Variants in GRID1 observed in about 807,000 individuals in gnomAD.
GRID1 encodes glutamate ionotropic receptor delta type subunit 1.
Under a neutral mutation model 98.0 loss-of-function variants are expected in GRID1, and 28 were observed. The observed-to-expected ratio is 0.29, with a 90% confidence interval of 0.21 to 0.39. The LOEUF (loss-of-function observed/expected upper bound fraction) is 0.39, where lower values mean the gene tolerates loss of function less well. GRID1 is among the 10% of genes least tolerant of loss of function. The pLI, the probability that GRID1 is intolerant of heterozygous loss-of-function variation, is 1.00. For missense variants in GRID1, 1,111 were observed against 1,340.5 expected (o/e 0.83, Z 2.67); for synonymous variants, 553 against 538.5 (o/e 1.03, Z -0.37).
At chr10:86,104,268 C>T (rs1347424091) in intron 4 of GRID1, among the ~76,000 whole-genome samples, 1 of 152,168 alleles carries the variant, frequency 6.6e-6, no homozygotes, top group Non-Finnish European at 1.5e-5. Context: ...GCAGTTGGGA[C>T]CCCAGACCCA....
chr10:86,166,973 G>A (rs1170453045), intron 3 of GRID1, among the ~76,000 whole-genome samples: 1 of 152,172 alleles, frequency 6.6e-6, no homozygotes, highest in Non-Finnish European at 1.5e-5. Context: ...CTTTTCTTCT[G>A]CAGCAAGGAA....
intron 12 of GRID1, among the ~76,000 whole-genome samples, chr10:85,665,743 C>T (rs542911051): frequency 2.6e-5 from 4 of 152,280 alleles, no homozygotes; most frequent in Admixed American, 6.5e-5. Context: ...TCTCTCCCTT[C>T]GTGATATAAA....
chr10:85,980,874 T>C (rs1435037983), intron 4 of GRID1, among the ~76,000 whole-genome samples: 1 of 152,196 alleles, frequency 6.6e-6, no homozygotes, highest in Non-Finnish European at 1.5e-5. Flanking sequence ...TCCTCTGTAA[T>C]ACATGAGAAC....
chr10:85,788,391 G>T (rs906285665), intron 8 of GRID1, among the ~76,000 whole-genome samples: 5 of 152,154 alleles, frequency 3.3e-5, no homozygotes, highest in African/African-American at 1.2e-4. Context: ...GTTTAGGTGT[G>T]TTCTTTCTTA....
At chr10:85,968,225 T>A (rs1589317621) in intron 4 of GRID1, among the ~76,000 whole-genome samples, 1 of 151,532 alleles carries the variant, frequency 6.6e-6, no homozygotes, top group African/African-American at 2.4e-5. Flanking sequence ...CCGAGGCGGG[T>A]GGATCACAAG....
intron 5 of GRID1, among the ~76,000 whole-genome samples, chr10:85,892,577 G>C (rs35076125): frequency 0.11 from 16,841 of 151,084 alleles, 1,129 homozygotes; most frequent in Non-Finnish European, 0.15. Context: ...GTTTTTCCTA[G>C]ATTTTTATAC....
chr10:85,704,609 C>A (rs1413030018), intron 12 of GRID1, among the ~76,000 whole-genome samples: 4 of 152,138 alleles, frequency 2.6e-5, no homozygotes, highest in Non-Finnish European at 5.9e-5. Flanking sequence ...CAGCTCTGCA[C>A]CAAGTGGACC....
At chr10:86,222,235 T>C (rs1036849527) in intron 2 of GRID1, among the ~76,000 whole-genome samples, 1 of 152,168 alleles carries the variant, frequency 6.6e-6, no homozygotes, top group African/African-American at 2.4e-5. Context: ...ATCCACTGCA[T>C]GGCTAGTGGG....
intron 12 of GRID1, among the ~76,000 whole-genome samples, chr10:85,705,679 C>T (rs1841507559): frequency 6.6e-6 from 1 of 152,160 alleles, no homozygotes; most frequent in South Asian, 2.1e-4. Flanking sequence ...GACCAATATC[C>T]CTGATGAACA....
intron 8 of GRID1, among the ~76,000 whole-genome samples, chr10:85,775,452 T>C (rs1030903651): frequency 2.6e-5 from 4 of 151,998 alleles, no homozygotes; most frequent in Non-Finnish European, 5.9e-5. Context: ...ATTGTGCACA[T>C]GTACCCTAAA....
At chr10:86,002,523 TG>T (rs56969279) in intron 4 of GRID1, among the ~76,000 whole-genome samples, 152,330 of 152,330 alleles carry the variant, frequency 1, 76,165 homozygotes, top group Non-Finnish European at 1. Context: ...ATCAGCAAAA[TG>T]CCTTGTTTAA....
rs1381938644 is a variant in GRID1 at position 85,865,916 on chromosome 10, T to TATATATATATATATAC, written c.951+3093_951+3094insGTATATATATATATAT. Among the ~76,000 whole-genome samples, 18 of 83,030 alleles carry TATATATATATATATAC rather than the reference T, an allele frequency of 2.2e-4. No homozygotes were observed. In the East Asian group the frequency reaches 3.8e-3, roughly 18 times the overall value. The allele number at this position is 83,030 out of a possible 152,430, so 54.5% of individuals were successfully genotyped here. ...ATAAAGTGTTTTACATATATACATA[T>TATATATATATATATAC]ATATATATATATATATATATATATA... On this transcript the variant is annotated intron_variant, in intron 6 of 15. Transcript: ENST00000327946.
At chr10:85,903,446 T>C (rs1841416643) in intron 5 of GRID1, among the ~76,000 whole-genome samples, 1 of 152,106 alleles carries the variant, frequency 6.6e-6, no homozygotes, top group African/African-American at 2.4e-5. Flanking sequence ...TACTACCCCA[T>C]AGTCCAAACC....
chr10:85,657,296 T>C (rs1388666413), intron 12 of GRID1, among the ~76,000 whole-genome samples: 2 of 152,168 alleles, frequency 1.3e-5, no homozygotes, highest in Non-Finnish European at 2.9e-5. Flanking sequence ...AGAATAGGAC[T>C]TGGCTGTTTG....
chr10:86,217,502 C>T (rs1256148123), intron 2 of GRID1, among the ~76,000 whole-genome samples: 1 of 152,182 alleles, frequency 6.6e-6, no homozygotes, highest in Non-Finnish European at 1.5e-5. Context: ...AGTGGAGGAG[C>T]TTGGGGCCAA....
rs112805146 is a variant in GRID1, at chr10:86,278,957, G to A, written c.236-72309C>T. On this transcript the variant is annotated intron_variant, in intron 2 of 15. Coordinates refer to ENST00000327946, the MANE Select transcript of GRID1 (RefSeq NM_017551.3). ...TTACCACCATAACAAAACCAAAGAC[G>A]TTACAAGAAATAATAATAACAAACC... 1.1e-3 allele frequency among the ~76,000 whole-genome samples: 160 copies of A among 152,234 alleles called. 1 individual carries two copies. The highest frequency in any genetic ancestry group is 3.4e-3 in the African/African-American group (140 of 41,544).
At chr10:85,918,465 G>A (rs1195332537) in intron 4 of GRID1, among the ~76,000 whole-genome samples, 1 of 152,174 alleles carries the variant, frequency 6.6e-6, no homozygotes, top group African/African-American at 2.4e-5. Context: ...TGGAAAGGAG[G>A]GTGTGGGAGG....
intron 4 of GRID1, among the ~76,000 whole-genome samples, chr10:86,017,286 C>G (rs1269110671): frequency 1.3e-5 from 2 of 152,190 alleles, no homozygotes; most frequent in Non-Finnish European, 2.9e-5. Context: ...TATAACCTGT[C>G]CTTATTCTCC....
chr10:86,025,228 G>A (rs146840448), intron 4 of GRID1, among the ~76,000 whole-genome samples: 4 of 152,288 alleles, frequency 2.6e-5, no homozygotes, highest in Admixed American at 1.3e-4. Flanking sequence ...TGCAGACCAC[G>A]AATAGTAACA....
Sources: gnomAD v4.1 joint callset for allele counts (sites outside exome capture counted in the v4.1 genomes callset) on GRCh38, gnomAD v4.1.1 for gene constraint, MANE v1.5 for transcripts, NCBI Gene and HGNC (gene_info 2026-07-23, HGNC 2026-07-21) for gene names.